Variants in SESTD1 observed in about 807,000 individuals in gnomAD.
The protein encoded by SESTD1 is SEC14 and spectrin domain containing 1.
SESTD1 carries 43 observed loss-of-function variants against 101.7 expected under a neutral mutation model. The observed-to-expected ratio is 0.42, with a 90% confidence interval of 0.33 to 0.55. The LOEUF (loss-of-function observed/expected upper bound fraction) is 0.55, where lower values mean the gene tolerates loss of function less well. Among genes scored for constraint, SESTD1 ranks in the 20% least tolerant of loss-of-function variants. SESTD1 has a pLI of 0.07. For synonymous variants in SESTD1, 283 were observed against 286.8 expected, an observed-to-expected ratio of 0.99 and a Z score of 0.13; for missense variants, 647 against 815.1, an observed-to-expected ratio of 0.79 and a Z score of 2.51.
chr2:179,220,933 G>C (rs186546412), intron 1 of SESTD1, among the ~76,000 whole-genome samples: 1 of 152,060 alleles, frequency 6.6e-6, no homozygotes, highest in Non-Finnish European at 1.5e-5. Context: ...AATGCATTCG[G>C]AACAGAGGTT....
Position 179,108,790 on chromosome 2 carries a change from T to G in SESTD1, c.*1109A>C, listed in dbSNP as rs1209218656. 1 of 152,090 alleles carries G rather than the reference T, an allele frequency of 6.6e-6. No individual in the cohort carries two copies. Among genetic ancestry groups the G allele is most frequent in the African/African-American group, 2.4e-5 (1 of 41,440 alleles). 9.4% of individuals were successfully genotyped at this position (152,090 alleles called of 1,614,324 possible). A position where few individuals can be genotyped will look rare whatever the true frequency, so the allele number is the denominator to read the frequency against. On this transcript the variant is annotated 3_prime_UTR_variant, in exon 18 of 18. Transcript: ENST00000428443. ...TTTACCATTTAAACTTAATACAAAC[T>G]TAAAAGAACTAGCATTTCATGATAA... is the stretch of plus-strand genomic sequence containing the variant.
chr2:179,249,018 G>C (rs1381756054), intron 1 of SESTD1, among the ~76,000 whole-genome samples: 2 of 150,260 alleles, frequency 1.3e-5, no homozygotes, highest in African/African-American at 4.9e-5. Context: ...TTGAGCCCAG[G>C]AGGTCAAGGC....
At chr2:179,215,796 T>C (rs1559147017) in intron 1 of SESTD1, among the ~76,000 whole-genome samples, 1 of 135,170 alleles carries the variant, frequency 7.4e-6, no homozygotes, top group Admixed American at 7.2e-5. Flanking sequence ...TCCACCACTA[T>C]CAAGTTGGCT....
intron 1 of SESTD1, among the ~76,000 whole-genome samples, chr2:179,223,250 T>C (rs1442085340): frequency 6.6e-6 from 1 of 152,026 alleles, no homozygotes; most frequent in Non-Finnish European, 1.5e-5. Context: ...AGAAAGAAAG[T>C]AGTAGGCCAG....
intron 1 of SESTD1, among the ~76,000 whole-genome samples, chr2:179,210,386 A>C (rs1160913970): frequency 7.5e-6 from 1 of 134,162 alleles, no homozygotes; most frequent in East Asian, 2.0e-4. Flanking sequence ...AAAAAAAGAA[A>C]ACTACAGACC....
intron 1 of SESTD1, among the ~76,000 whole-genome samples, chr2:179,229,083 T>C (rs554872753): frequency 6.6e-6 from 1 of 152,290 alleles, no homozygotes; most frequent in African/African-American, 2.4e-5. Flanking sequence ...GAGGTAGTCT[T>C]GATAAGGTAA....
In SESTD1 at chr2:179,247,996, T is replaced by C. The variant is rs191383468; in HGVS notation, c.-26+16503A>G. ...CATACATTAGAAAAGAGAAAAAATC[T>C]CAAACCAATAATTTAAGCTCCCATC... On this transcript the variant is annotated intron_variant, in intron 1 of 17. Transcript: ENST00000428443. 5.2e-4 allele frequency among the ~76,000 whole-genome samples: 78 copies of C among 151,338 alleles called. 1 individual carries two copies. Among genetic ancestry groups the C allele is most frequent in the Middle Eastern group, 6.8e-3 (2 of 292 alleles).
intron 1 of SESTD1, among the ~76,000 whole-genome samples, chr2:179,257,456 T>C (rs901644385): frequency 6.6e-6 from 1 of 152,242 alleles, no homozygotes; most frequent in Non-Finnish European, 1.5e-5. Context: ...TAAACTACAG[T>C]GTGAACATAA....
intron 1 of SESTD1, among the ~76,000 whole-genome samples, chr2:179,255,152 A>C (rs987160412): frequency 1.1e-4 from 16 of 152,290 alleles, no homozygotes; most frequent in African/African-American, 3.6e-4. Flanking sequence ...AGGAGACACA[A>C]TAATACTGAA....
At chr2:179,263,956 G>C (rs2047519025) in intron 1 of SESTD1, 1 of 152,192 alleles carries the variant, frequency 6.6e-6, no homozygotes, top group Admixed American at 6.5e-5. Flanking sequence ...CTGGGGCCTC[G>C]AGCCCGTGTC....
rs2044443143 is a variant in SESTD1 at position 179,108,729 on chromosome 2, T to G, written c.*1170A>C. 6.6e-6 allele frequency: 1 copy of G among 152,092 alleles called. No individual in the cohort carries two copies. The highest frequency in any genetic ancestry group is 1.5e-5 in the Non-Finnish European group (1 of 67,996). 9.4% of individuals were successfully genotyped at this position (152,092 alleles called of 1,614,324 possible). On this transcript the variant is annotated 3_prime_UTR_variant, in exon 18 of 18. Transcript: ENST00000428443. ...ATTTTTAATATTTTAAAAAATGTTC[T>G]GAAATAAAAATACATAAAATTTAAA... is the stretch of plus-strand genomic sequence containing the variant.
chr2:179,202,121 T>C (rs1355519052), intron 1 of SESTD1, among the ~76,000 whole-genome samples: 2 of 133,128 alleles, frequency 1.5e-5, no homozygotes, highest in Non-Finnish European at 3.2e-5. Context: ...CTTTCTAACA[T>C]TGCCTCTCCC....
chr2:179,209,949 T>C (rs1039921111), intron 1 of SESTD1, among the ~76,000 whole-genome samples: 1 of 131,804 alleles, frequency 7.6e-6, no homozygotes. Context: ...CAAAAATCAA[T>C]AGACCATTAA....
intron 1 of SESTD1, among the ~76,000 whole-genome samples, chr2:179,210,981 C>T (rs1256108098): frequency 7.6e-6 from 1 of 132,356 alleles, no homozygotes; most frequent in Admixed American, 7.4e-5. Flanking sequence ...TTTCAGGATA[C>T]AAAATCAATG....
chr2:179,110,609 G>A (rs933779105), intron 17 of SESTD1, among the ~76,000 whole-genome samples: 4 of 152,112 alleles, frequency 2.6e-5, no homozygotes, highest in African/African-American at 9.7e-5. Flanking sequence ...GTTAAATGAT[G>A]TAAGCAAGGT....
At chr2:179,113,405 A>G (rs1433592110) in intron 16 of SESTD1, among the ~76,000 whole-genome samples, 1 of 152,210 alleles carries the variant, frequency 6.6e-6, no homozygotes, top group Non-Finnish European at 1.5e-5. Flanking sequence ...AACTGCCATA[A>G]AATGATTAGG....
At chr2:179,181,965 C>T (rs1463195131) in intron 3 of SESTD1, among the ~76,000 whole-genome samples, 1 of 143,548 alleles carries the variant, frequency 7.0e-6, no homozygotes, top group African/African-American at 2.6e-5. Context: ...AAAATTTTCA[C>T]ATGAAGACCG....
intron 9 of SESTD1, among the ~76,000 whole-genome samples, chr2:179,135,047 C>T (rs1047259274): frequency 3.3e-5 from 5 of 152,054 alleles, no homozygotes; most frequent in East Asian, 3.9e-4. Context: ...CAGGTTCAAG[C>T]GATTCTCCTG....
At chr2:179,243,780 G>A (rs1332467497) in intron 1 of SESTD1, among the ~76,000 whole-genome samples, 2 of 151,884 alleles carry the variant, frequency 1.3e-5, no homozygotes, top group South Asian at 2.1e-4. Context: ...GGGGGCTAAG[G>A]GCTGAAAAAC....
Sources: gnomAD v4.1 joint callset for allele counts (sites outside exome capture counted in the v4.1 genomes callset) on GRCh38, gnomAD v4.1.1 for gene constraint, MANE v1.5 for transcripts, NCBI Gene and HGNC (gene_info 2026-07-23, HGNC 2026-07-21) for gene names.